PADI6: variants seen among roughly 807,000 people sequenced by gnomAD.
PADI6 encodes inactive protein-arginine deiminase type-6.
A neutral mutation model predicts 78.2 loss-of-function variants in PADI6; 66 were observed. The observed-to-expected ratio is 0.84, with a 90% CI of 0.69 to 1.04. PADI6 has a LOEUF of 1.04. PADI6 is among the 50% of genes least tolerant of loss of function. The pLI, the probability that PADI6 is intolerant of heterozygous loss-of-function variation, is 0.00. For synonymous variants in PADI6, 397 were observed against 346.9 expected (o/e 1.14, Z -1.60); for missense variants, 854 against 866.1 (o/e 0.99, Z 0.18).
rs1436009211 is a variant in PADI6 at position 17,388,429 on chromosome 1, C to T, written c.728C>T (p.Ala243Val). The change falls in exon 7 of 16, where the codon GCC becomes GTC. Residue 243 changes from alanine (A) to valine (V), a missense_variant. By Grantham distance (64) the Ala-to-Val change is moderately conservative (BLOSUM62 0). Transcript: ENST00000619609. Reference protein sequence around the residue: ...FELVLGPDQHAYTLALLGNHL... With the variant: ...FELVLGPDQHVYTLALLGNHL... Reference sequence around the variant, plus strand: ...TTGGTGCTGGGGCCCGACCAGCACGCCTATACCTTGGCCCTCCTCGGGAAC... The same window carrying T: ...TTGGTGCTGGGGCCCGACCAGCACGTCTATACCTTGGCCCTCCTCGGGAAC... 4 of 1,613,642 alleles carry T rather than the reference C, an allele frequency of 2.5e-6. No individual in the cohort carries two copies. The highest frequency in any genetic ancestry group is 3.3e-5 in the Admixed American group (2 of 59,958).
At chr1:17,379,133 A>T (rs1211389) in intron 3 of PADI6, among the ~76,000 whole-genome samples, 37 of 78,346 alleles carry the variant, frequency 4.7e-4, no homozygotes, top group African/African-American at 5.6e-4. Flanking sequence ...TTTTTTTTTT[A>T]AGACGGAGTC....
At chr1:17,381,910 A>AC (rs951684530) in intron 5 of PADI6, 57 bp from the exon 6 acceptor site, 14 of 1,605,482 alleles carry the variant, frequency 8.7e-6, no homozygotes, top group Non-Finnish European at 1.2e-5. Context: ...TCTTCCCTCC[A>AC]CCCCCAGAGT....
rs1335693542 is a variant in PADI6, at chr1:17,375,503, A to T, written c.367+4A>T. 1 of 1,601,692 alleles carries T rather than the reference A, an allele frequency of 6.2e-7. No homozygotes were observed. The highest frequency in any genetic ancestry group is 2.3e-5 in the East Asian group (1 of 44,382). On this transcript the variant is annotated splice_donor_region_variant and intron_variant, in intron 3 of 15. Coordinates refer to ENST00000619609, the MANE Select transcript of PADI6 (RefSeq NM_207421.4). ...GTGCTGTACCTCACTGGCATTGGTG[A>T]GTGTTGCTCCAACTGGGAGCCTGGG...
intron 6 of PADI6, among the ~76,000 whole-genome samples, chr1:17,386,717 G>C (rs1257358133): frequency 1.3e-5 from 2 of 152,232 alleles, no homozygotes; most frequent in Non-Finnish European, 2.9e-5. Context: ...CAGCAGGACT[G>C]AGGCTGGGCC....
intron 3 of PADI6, among the ~76,000 whole-genome samples, chr1:17,379,030 C>T (rs1289527580): frequency 6.6e-6 from 1 of 151,842 alleles, no homozygotes; most frequent in Non-Finnish European, 1.5e-5. Context: ...CTGCAACCTC[C>T]ACCTTCCCAG....
rs750764720 is a variant in PADI6 at position 17,375,409 on chromosome 1, G to A, written c.295-18G>A. The A allele has an allele frequency of 3.4e-5, 54 of 1,606,042 alleles. No individual in the cohort carries two copies. The highest frequency in any genetic ancestry group is 2.8e-4 in the South Asian group (25 of 89,620). ...CCCGTCCAACACTGCCTATGGTTTC[G>A]GGATGCTGTCTCCACAGGTCTCGGT... On this transcript the variant is annotated intron_variant, in intron 2 of 15. Transcript: ENST00000619609.
intron 1 of PADI6, 144 bp from the exon 2 acceptor site, chr1:17,372,912 G>A (rs1317721034): frequency 7.5e-6 from 6 of 795,938 alleles, no homozygotes; most frequent in Non-Finnish European, 5.9e-6. Context: ...GAGGGGGTGG[G>A]TAGGAATAAG....
chr1:17,379,790 G>A (rs2075054718), intron 3 of PADI6, 130 bp from the exon 4 acceptor site: 1 of 710,334 alleles, frequency 1.4e-6, no homozygotes. Flanking sequence ...CTGCTTCTAA[G>A]CTGATAGCAT....
chr1:17,387,468 G>GC (rs1463791550), intron 6 of PADI6, among the ~76,000 whole-genome samples: 1 of 151,202 alleles, frequency 6.6e-6, no homozygotes, highest in Admixed American at 6.6e-5. Flanking sequence ...AGGGGGGGGG[G>GC]CCAGGCGTGG....
intron 11 of PADI6, 133 bp downstream of exon 11, chr1:17,394,587 T>G (rs2075226845): frequency 9.8e-7 from 1 of 1,019,162 alleles, no homozygotes; most frequent in Non-Finnish European, 1.4e-6. Context: ...ACATTTGAGC[T>G]TTTGATTCAC....
chr1:17,401,222 G>A lies in PADI6; in HGVS notation c.1869G>A (p.Met623Ile). The A allele has an allele frequency of 1.2e-6, 2 of 1,613,954 alleles. No homozygotes were observed. The highest frequency in any genetic ancestry group is 1.7e-6 in the Non-Finnish European group (2 of 1,179,844). ...YFPDLLRMIVMGKNLGIPKPF... is the reference protein window; with the variant it reads ...YFPDLLRMIVIGKNLGIPKPF... ...TCTAACAGTTGCGGATGATTGTGAT[G>A]GGCAAGAACCTGGGGATCCCCAAGC... Residue 623 changes from methionine to isoleucine, a missense_variant, in exon 16 of 16, where the codon ATG (methionine) becomes ATA (isoleucine). By Grantham distance (10) the Met-to-Ile change is conservative. Coordinates refer to ENST00000619609, the MANE Select transcript of PADI6 (RefSeq NM_207421.4).
chr1:17,373,601 C>T (rs2074986103), intron 2 of PADI6, among the ~76,000 whole-genome samples: 1 of 152,006 alleles, frequency 6.6e-6, no homozygotes, highest in Non-Finnish European at 1.5e-5. Flanking sequence ...AAGCAATTCT[C>T]CTGCCTCAGC....
At chr1:17,392,044 G>A (rs1021143157) in intron 8 of PADI6, 70 bp from the exon 9 acceptor site, 2 of 1,295,350 alleles carry the variant, frequency 1.5e-6, no homozygotes, top group East Asian at 2.5e-5. Context: ...TCCTCTCTTG[G>A]CACAAGGAGG....
At chr1:17,381,327 A>G (rs532514751) in intron 5 of PADI6, among the ~76,000 whole-genome samples, 163 bp downstream of exon 5, 1 of 152,124 alleles carries the variant, frequency 6.6e-6, no homozygotes, top group East Asian at 1.9e-4. Flanking sequence ...TTGTAGATGT[A>G]TAATTGGGTA....
chr1:17,381,664 GA>G, intron 5 of PADI6, among the ~76,000 whole-genome samples: 2 of 151,688 alleles, frequency 1.3e-5, no homozygotes, highest in Middle Eastern at 6.8e-3. Flanking sequence ...ACTGAGACTG[GA>G]AACAAGACTG....
At chr1:17,400,817 C>T (rs1055372403) in intron 15 of PADI6, among the ~76,000 whole-genome samples, 27 of 152,018 alleles carry the variant, frequency 1.8e-4, no homozygotes, top group African/African-American at 6.0e-4. Context: ...CAGTGTGGTC[C>T]GGCAGGGGTG....
intron 3 of PADI6, among the ~76,000 whole-genome samples, chr1:17,376,317 T>C (rs1201575981): frequency 6.6e-6 from 1 of 151,520 alleles, no homozygotes; most frequent in East Asian, 2.0e-4. Flanking sequence ...TGTTTTTGTT[T>C]GAGATGGAGT....
chr1:17,372,975 C>A, intron 1 of PADI6, 81 bp from the exon 2 acceptor site: 1 of 1,414,764 alleles, frequency 7.1e-7, no homozygotes, highest in African/African-American at 1.4e-5. Context: ...ATTCGGGAGC[C>A]GTCCCCTCCC....
In PADI6 at chr1:17,382,001, C is replaced by T; in HGVS notation, c.588C>T (p.Val196=). Reference sequence around the variant, plus strand: ...ATCTGTCCCAGATGACTCTGAATGTCCAAGGCCCCAGCTGTATCTTAAAGA... The same window carrying T: ...ATCTGTCCCAGATGACTCTGAATGTTCAAGGCCCCAGCTGTATCTTAAAGA... ...ITNLSQMTLN[V]QGPSCILKKY... is the part of the protein sequence containing the mutation. Residue 196 remains valine (V), a synonymous_variant, in exon 6 of 16, where the codon GTC becomes GTT. Transcript: ENST00000619609. 6.2e-7 allele frequency: 1 copy of T among 1,613,952 alleles called. No individual in the cohort carries two copies. Among genetic ancestry groups the T allele is most frequent in the Non-Finnish European group, 8.5e-7 (1 of 1,179,850 alleles).
Sources: gnomAD v4.1 joint callset for allele counts (sites outside exome capture counted in the v4.1 genomes callset) on GRCh38, gnomAD v4.1.1 for gene constraint, MANE v1.5 for transcripts, NCBI Gene and HGNC (gene_info 2026-07-23, HGNC 2026-07-21) for gene names.